The following ASTN2 variants were observed in gnomAD, a reference collection of about 807,000 sequenced individuals.
The protein encoded by ASTN2 is astrotactin-2.
A neutral mutation model predicts 139.8 loss-of-function variants in ASTN2; 54 were observed. The observed-to-expected ratio is 0.39, with a 90% confidence interval of 0.31 to 0.48. ASTN2 has a LOEUF of 0.48. Ranked by LOEUF, ASTN2 falls within the 20% of genes least tolerant of loss-of-function variation. The pLI is 0.95. For missense variants in ASTN2, 1,565 were observed against 1,725.1 expected, an observed-to-expected ratio of 0.91 and a Z score of 1.64; for synonymous variants, 756 against 719.5, an observed-to-expected ratio of 1.05 and a Z score of -0.81.
intron 19 of ASTN2, among the ~76,000 whole-genome samples, chr9:116,601,684 C>T (rs987486323): frequency 2.6e-5 from 4 of 152,164 alleles, no homozygotes; most frequent in African/African-American, 4.8e-5. Flanking sequence ...TATAGAGGCA[C>T]CAGCTATATA....
chr9:117,059,034 C>T (rs1016353331), intron 5 of ASTN2, among the ~76,000 whole-genome samples: 1 of 152,094 alleles, frequency 6.6e-6, no homozygotes, highest in African/African-American at 2.4e-5. Flanking sequence ...AATGAGGCAA[C>T]GTGTTATAAT....
intron 19 of ASTN2, among the ~76,000 whole-genome samples, chr9:116,525,130 A>T (rs989100584): frequency 6.6e-6 from 1 of 152,192 alleles, no homozygotes; most frequent in African/African-American, 2.4e-5. Flanking sequence ...GACGGAGATG[A>T]GGAACTTATT....
intron 3 of ASTN2, among the ~76,000 whole-genome samples, chr9:117,193,941 C>T (rs1202227532): frequency 6.7e-6 from 1 of 148,876 alleles, no homozygotes; most frequent in African/African-American, 2.5e-5. Flanking sequence ...AATTCCCATG[C>T]AGGGAGCAGA....
At chr9:117,246,668 G>A (rs148468222) in intron 2 of ASTN2, among the ~76,000 whole-genome samples, 11 of 152,352 alleles carry the variant, frequency 7.2e-5, no homozygotes, top group African/African-American at 2.4e-4. Context: ...TTAAAGGAGA[G>A]TATGGGGTGT....
chr9:116,710,055 A>G (rs544248910), intron 16 of ASTN2, among the ~76,000 whole-genome samples: 1 of 152,170 alleles, frequency 6.6e-6, no homozygotes, highest in South Asian at 2.1e-4. Context: ...CCTCTTCTTC[A>G]GCTTCACATC....
chr9:117,021,795 A>G (rs147332170), intron 6 of ASTN2, among the ~76,000 whole-genome samples: 2 of 152,282 alleles, frequency 1.3e-5, no homozygotes, highest in African/African-American at 4.8e-5. Flanking sequence ...CTTGTTTCAG[A>G]TTACTCACTT....
intron 3 of ASTN2, among the ~76,000 whole-genome samples, chr9:117,164,734 T>G (rs1830631080): frequency 6.6e-6 from 1 of 152,076 alleles, no homozygotes; most frequent in Non-Finnish European, 1.5e-5. Context: ...TGGTGAAATT[T>G]TCCTGGCACA....
intron 20 of ASTN2, among the ~76,000 whole-genome samples, chr9:116,453,455 G>A (rs866949131): frequency 3.3e-5 from 5 of 151,792 alleles, no homozygotes; most frequent in African/African-American, 1.2e-4. Context: ...TTAGCTGGGC[G>A]TGGTGGCGGG....
intron 1 of ASTN2, among the ~76,000 whole-genome samples, chr9:117,312,301 G>C (rs200204040): frequency 6.6e-6 from 1 of 152,036 alleles, no homozygotes; most frequent in Non-Finnish European, 1.5e-5. Flanking sequence ...AAATAAAAAC[G>C]TTACATCCTC....
chr9:116,854,651 CTT>C (rs764856702), intron 11 of ASTN2, among the ~76,000 whole-genome samples: 28 of 121,878 alleles, frequency 2.3e-4, no homozygotes, highest in Non-Finnish European at 2.7e-4. Context: ...TTCCTTCTCT[CTT>C]TTTTTTTTTT....
intron 17 of ASTN2, among the ~76,000 whole-genome samples, chr9:116,643,017 A>G (rs1338859300): frequency 6.6e-6 from 1 of 152,168 alleles, no homozygotes; most frequent in Non-Finnish European, 1.5e-5. Flanking sequence ...TCACCCCACA[A>G]TTCACTAGCC....
At chr9:116,679,697 C>G (rs1219523010) in intron 16 of ASTN2, among the ~76,000 whole-genome samples, 1 of 152,146 alleles carries the variant, frequency 6.6e-6, no homozygotes, top group African/African-American at 2.4e-5. Flanking sequence ...TGCAATCAAA[C>G]TTGAACTCAG....
At chr9:116,501,267 C>T (rs989572855) in intron 19 of ASTN2, among the ~76,000 whole-genome samples, 7 of 152,310 alleles carry the variant, frequency 4.6e-5, no homozygotes, top group Non-Finnish European at 8.8e-5. Context: ...TTTCCAATTT[C>T]ATCCATGTCC....
chr9:116,765,521 A>G (rs922088522), intron 13 of ASTN2, among the ~76,000 whole-genome samples: 11 of 152,222 alleles, frequency 7.2e-5, no homozygotes, highest in Admixed American at 2.6e-4. Flanking sequence ...ATTTATCCTA[A>G]GAAGACAAGC....
intron 19 of ASTN2, among the ~76,000 whole-genome samples, chr9:116,534,130 T>A (rs1564349815): frequency 6.6e-6 from 1 of 152,214 alleles, no homozygotes; most frequent in Non-Finnish European, 1.5e-5. Context: ...TTTTTCTAGA[T>A]TTTCTAGCTT....
At chr9:116,523,337 G>A (rs1850958996) in intron 19 of ASTN2, among the ~76,000 whole-genome samples, 1 of 151,990 alleles carries the variant, frequency 6.6e-6, no homozygotes, top group South Asian at 2.1e-4. Flanking sequence ...TTTTGAGATG[G>A]ACATTTTGAT....
In ASTN2 at chr9:116,970,946, G is replaced by C. The variant is rs184097119; in HGVS notation, c.1889+4262C>G. 2.6e-5 allele frequency among the ~76,000 whole-genome samples: 4 copies of C among 152,270 alleles called. No individual in the cohort carries two copies. In the East Asian group the frequency reaches 7.7e-4, roughly 29 times the overall value. On this transcript the variant is annotated intron_variant, in intron 10 of 22. Transcript: ENST00000313400. ...CAGGTGAAATTGTGAAGAAGGCCCAGTATGCAGTAATAAGTGTTGTTTGCC... is the reference window on the plus strand; with the variant it reads ...CAGGTGAAATTGTGAAGAAGGCCCACTATGCAGTAATAAGTGTTGTTTGCC...
At chr9:116,896,894 A>G (rs915627613) in intron 10 of ASTN2, among the ~76,000 whole-genome samples, 3 of 152,172 alleles carry the variant, frequency 2.0e-5, no homozygotes, top group African/African-American at 7.2e-5. Flanking sequence ...ATTCGAGATG[A>G]GATTTGCGTG....
intron 3 of ASTN2, among the ~76,000 whole-genome samples, chr9:117,152,142 T>C (rs1245242506): frequency 3.9e-5 from 6 of 152,182 alleles, no homozygotes; most frequent in Non-Finnish European, 5.9e-5. Flanking sequence ...TAAAATTCAA[T>C]GTAATAATAT....
Sources: gnomAD v4.1 joint callset for allele counts (sites outside exome capture counted in the v4.1 genomes callset) on GRCh38, gnomAD v4.1.1 for gene constraint, MANE v1.5 for transcripts, NCBI Gene and HGNC (gene_info 2026-07-23, HGNC 2026-07-21) for gene names.